TDRD3: variants seen among roughly 807,000 people sequenced by gnomAD.
The protein encoded by TDRD3 is tudor domain-containing protein 3.
Under a neutral mutation model 86.7 loss-of-function variants are expected in TDRD3, and 45 were observed. That is an observed-to-expected ratio of 0.52 (90% CI 0.41 to 0.67). The LOEUF is 0.67. Among genes scored for constraint, TDRD3 ranks in the 30% least tolerant of loss-of-function variants. TDRD3 has a pLI of 0.00. For missense variants in TDRD3, 814 were observed against 889.0 expected (o/e 0.92, Z 1.07); for synonymous variants, 298 against 301.7 (o/e 0.99, Z 0.13).
At chr13:60,495,911 C>T (rs965750732) in intron 8 of TDRD3, among the ~76,000 whole-genome samples, 10 of 151,890 alleles carry the variant, frequency 6.6e-5, no homozygotes, top group African/African-American at 1.5e-4. Flanking sequence ...ATCTTGTGGC[C>T]GTGATGGCTA....
chr13:60,564,576 T>C (rs1958407170), intron 12 of TDRD3, among the ~76,000 whole-genome samples: 1 of 152,206 alleles, frequency 6.6e-6, no homozygotes, highest in Non-Finnish European at 1.5e-5. Context: ...TAATTAGCTC[T>C]GTGACTTGGG....
chr13:60,471,956 A>G (rs1196334006), intron 5 of TDRD3, among the ~76,000 whole-genome samples: 1 of 151,932 alleles, frequency 6.6e-6, no homozygotes, highest in Non-Finnish European at 1.5e-5. Flanking sequence ...TTGATCTTAG[A>G]GGAAACACCT....
intron 10 of TDRD3, among the ~76,000 whole-genome samples, chr13:60,513,167 A>G (rs562110561): frequency 6.4e-4 from 97 of 152,308 alleles, no homozygotes; most frequent in Non-Finnish European, 1.2e-3. Flanking sequence ...TGAGGCATGC[A>G]CCATCTGCAG....
At chr13:60,503,795 C>G (rs1956881411) in intron 8 of TDRD3, among the ~76,000 whole-genome samples, 1 of 152,128 alleles carries the variant, frequency 6.6e-6, no homozygotes, top group Non-Finnish European at 1.5e-5. Context: ...CTTTCATTAG[C>G]CTTTACTATT....
At position 60,397,289 on chromosome 13, in the gene TDRD3, G is replaced by C. The variant is rs529387873; in HGVS notation, c.-76G>C. On this transcript the variant is annotated 5_prime_UTR_variant, in exon 1 of 14. Coordinates refer to ENST00000377881, the MANE Select transcript of TDRD3 (RefSeq NM_001146070.2). ...TTTCTTTTCTTTTTTTTTTTTTAAGGGGGGGGGTCTCAAGTAGGAGGCCTC... is the reference window on the plus strand; with the variant it reads ...TTTCTTTTCTTTTTTTTTTTTTAAGCGGGGGGGTCTCAAGTAGGAGGCCTC... 7.5e-5 allele frequency: 58 copies of C among 770,888 alleles called. No homozygotes were observed. The South Asian group carries it at 8.9e-4, about 12-fold the overall frequency. The allele number at this position is 770,888 out of a possible 1,614,324, so 47.8% of individuals were successfully genotyped here. A position where few individuals can be genotyped will look rare whatever the true frequency, so the allele number is the denominator to read the frequency against.
chr13:60,529,054 C>T lies in TDRD3; in HGVS notation c.1829C>T (p.Thr610Ile), dbSNP rs1957522745. ...IGPIKPAGPV[T>I]AVPCDDKIFY... ...CCTATTAAGCCAGCAGGACCTGTCA[C>T]AGCTGTACCCTGTGATGATAAAATA... is the stretch of plus-strand genomic sequence containing the variant. Residue 610 changes from threonine to isoleucine, a missense_variant, in exon 11 of 14, where the codon ACA becomes ATA. By Grantham distance (89) the Thr-to-Ile change is moderately conservative. Transcript: ENST00000377881. 6.2e-7 allele frequency: 1 copy of T among 1,614,032 alleles called. No homozygotes were observed. The highest frequency in any genetic ancestry group is 1.1e-5 in the South Asian group (1 of 91,070).
intron 3 of TDRD3, among the ~76,000 whole-genome samples, chr13:60,447,533 A>T (rs1473009567): frequency 2.6e-5 from 4 of 152,192 alleles, no homozygotes; most frequent in African/African-American, 9.6e-5. Context: ...AAAGTCTAAG[A>T]ATATGTGAAT....
chr13:60,541,746 T>TTTTTG (rs1957818133), intron 12 of TDRD3, among the ~76,000 whole-genome samples: 1 of 135,922 alleles, frequency 7.4e-6, no homozygotes, highest in African/African-American at 2.7e-5. Flanking sequence ...TTTTTTTTTT[T>TTTTTG]GAGACGGAGT....
At chr13:60,437,121 C>CTTTT (rs528500199) in intron 1 of TDRD3, among the ~76,000 whole-genome samples, 2,820 of 73,690 alleles carry the variant, frequency 0.038, 246 homozygotes, top group Non-Finnish European at 0.053. Context: ...ATAAATTAAA[C>CTTTT]TTTTTTTTTT....
chr13:60,570,569 A>C (rs1286548461), intron 13 of TDRD3, among the ~76,000 whole-genome samples: 1 of 152,236 alleles, frequency 6.6e-6, no homozygotes, highest in Non-Finnish European at 1.5e-5. Flanking sequence ...TATTTATCCA[A>C]AGGAAAGGAA....
chr13:60,517,332 C>T (rs545975429), intron 10 of TDRD3, among the ~76,000 whole-genome samples: 1 of 151,994 alleles, frequency 6.6e-6, no homozygotes, highest in South Asian at 2.1e-4. Flanking sequence ...GGAAACTAGG[C>T]CGAGACAAGA....
chr13:60,553,571 G>A (rs1259882437), intron 12 of TDRD3, among the ~76,000 whole-genome samples: 1 of 151,414 alleles, frequency 6.6e-6, no homozygotes, highest in Admixed American at 6.6e-5. Context: ...AAAAAAAGAG[G>A]TTTAATTGAC....
At chr13:60,511,838 C>A (rs1298664180) in intron 10 of TDRD3, among the ~76,000 whole-genome samples, 3 of 152,136 alleles carry the variant, frequency 2.0e-5, no homozygotes, top group Non-Finnish European at 4.4e-5. Flanking sequence ...ACCCCATAGG[C>A]AATTTACATA....
chr13:60,558,831 A>G (rs1225825894), intron 12 of TDRD3, among the ~76,000 whole-genome samples: 1 of 152,136 alleles, frequency 6.6e-6, no homozygotes, highest in African/African-American at 2.4e-5. Flanking sequence ...AAATGGTAAC[A>G]ATAAAATGAA....
At chr13:60,397,462 A>T in intron 1 of TDRD3, 57 bp downstream of exon 1, 2 of 1,412,324 alleles carry the variant, frequency 1.4e-6, no homozygotes, top group South Asian at 2.8e-5. Flanking sequence ...GGCCCCAGGG[A>T]GGTTGGGTTG....
intron 2 of TDRD3, among the ~76,000 whole-genome samples, chr13:60,443,557 TA>T (rs1477282277): frequency 2.0e-5 from 3 of 152,112 alleles, no homozygotes; most frequent in Admixed American, 2.0e-4. Context: ...TCTCATTTCT[TA>T]AGCTGACTAC....
chr13:60,565,728 A>G (rs1221853990), intron 12 of TDRD3, among the ~76,000 whole-genome samples: 1 of 152,036 alleles, frequency 6.6e-6, no homozygotes, highest in Non-Finnish European at 1.5e-5. Context: ...TACCAAATAT[A>G]TTTTCATAGT....
At position 60,460,490 on chromosome 13, in the gene TDRD3, T is replaced by C. The variant is rs764419197; in HGVS notation, c.303T>C (p.Asp101=). 1 of 1,584,476 alleles carries C rather than the reference T, an allele frequency of 6.3e-7. No individual in the cohort carries two copies. The highest frequency in any genetic ancestry group is 2.0e-5 in the Admixed American group (1 of 51,146). Residue 101 remains aspartate (D), a synonymous_variant, in exon 4 of 14, where the codon GAT becomes GAC. Coordinates refer to ENST00000377881, the MANE Select transcript of TDRD3 (RefSeq NM_001146070.2). ...APRMLRLQMT[D]GHISCTAVEF... ...GGATGCTGCGATTACAGATGACTGA[T>C]GGTCATATAAGTTGCACAGCAGTAG...
intron 11 of TDRD3, among the ~76,000 whole-genome samples, chr13:60,530,044 A>G (rs1957543086): frequency 6.6e-6 from 1 of 152,200 alleles, no homozygotes; most frequent in Non-Finnish European, 1.5e-5. Flanking sequence ...ACCTCCTAGA[A>G]GAAACCTTCT....
Sources: gnomAD v4.1 joint callset for allele counts (sites outside exome capture counted in the v4.1 genomes callset) on GRCh38, gnomAD v4.1.1 for gene constraint, MANE v1.5 for transcripts, NCBI Gene and HGNC (gene_info 2026-07-23, HGNC 2026-07-21) for gene names.